Variants in DAB1 observed in about 807,000 individuals in gnomAD.
The protein encoded by DAB1 is disabled homolog 1.
Under a neutral mutation model 64.6 loss-of-function variants are expected in DAB1, and 15 were observed. The observed-to-expected ratio is 0.23, with a 90% CI of 0.16 to 0.36. The LOEUF is 0.36. Ranked by LOEUF, DAB1 falls within the 10% of genes least tolerant of loss-of-function variation. The probability of loss-of-function intolerance (pLI) is 1.00; values close to 1 mark genes in which losing one functional copy is unlikely to be tolerated. For synonymous variants in DAB1, 235 were observed against 251.9 expected (o/e 0.93, Z 0.64); for missense variants, 596 against 706.7 (o/e 0.84, Z 1.78).
At chr1:57,102,569 AT>A (rs1207652236) in intron 4 of DAB1, among the ~76,000 whole-genome samples, 2 of 152,222 alleles carry the variant, frequency 1.3e-5, no homozygotes, top group Non-Finnish European at 2.9e-5. Context: ...AAACAAAAAA[AT>A]CTATAATTAC....
At chr1:58,104,582 GAAACAAATTACCACTCTCAGCT>G (rs1033810364) in intron 5 of DAB1, among the ~76,000 whole-genome samples, 2 of 152,132 alleles carry the variant, frequency 1.3e-5, no homozygotes, top group African/African-American at 4.8e-5. Flanking sequence ...AGCCGGTTCA[GAAACAAATTACCACTCTCAGCT>G]AAACCCCCAT....
At chr1:57,384,369 C>G (rs1681624831) in intron 1 of DAB1, among the ~76,000 whole-genome samples, 1 of 152,172 alleles carries the variant, frequency 6.6e-6, no homozygotes, top group Non-Finnish European at 1.5e-5. Context: ...AAAAGGTAAA[C>G]ATAGAATTAC....
intron 4 of DAB1, among the ~76,000 whole-genome samples, chr1:58,300,002 T>C (rs1662084344): frequency 6.6e-6 from 1 of 152,112 alleles, no homozygotes; most frequent in Non-Finnish European, 1.5e-5. Context: ...TTCTACTTCA[T>C]TTATGGCTTA....
intron 7 of DAB1, among the ~76,000 whole-genome samples, chr1:57,524,221 A>G (rs1293743703): frequency 3.3e-5 from 5 of 152,184 alleles, no homozygotes; most frequent in Non-Finnish European, 4.4e-5. Flanking sequence ...CTGCAAAATT[A>G]TGTAGAAAAT....
intron 6 of DAB1, among the ~76,000 whole-genome samples, chr1:57,675,202 A>C (rs3126030): frequency 0.74 from 112,035 of 152,112 alleles, 42,169 homozygotes; most frequent in East Asian, 0.93. Flanking sequence ...CAATACCTAC[A>C]TCCAGAGATT....
chr1:57,403,270 T>C (rs1217530251), intron 1 of DAB1, among the ~76,000 whole-genome samples: 1 of 152,190 alleles, frequency 6.6e-6, no homozygotes, highest in African/African-American at 2.4e-5. Context: ...TATCTCCTGC[T>C]AGGGTTGCTG....
At chr1:57,920,097 T>G (rs1644786546) in intron 5 of DAB1, among the ~76,000 whole-genome samples, 1 of 152,210 alleles carries the variant, frequency 6.6e-6, no homozygotes, top group East Asian at 1.9e-4. Flanking sequence ...TTCATTTTAT[T>G]GATGTGGCTA....
At chr1:57,620,922 A>G (rs964036373) in intron 7 of DAB1, among the ~76,000 whole-genome samples, 37 of 152,088 alleles carry the variant, frequency 2.4e-4, no homozygotes, top group African/African-American at 8.2e-4. Context: ...TGACAAGACA[A>G]TTTGCAGACT....
intron 1 of DAB1, among the ~76,000 whole-genome samples, chr1:58,537,075 T>G (rs1381687673): frequency 6.6e-6 from 1 of 151,368 alleles, no homozygotes; most frequent in Non-Finnish European, 1.5e-5. Flanking sequence ...TCTCTCTCTC[T>G]CTCTCTCTCT....
chr1:57,777,514 G>GT (rs1649867379), intron 6 of DAB1, among the ~76,000 whole-genome samples: 1 of 151,738 alleles, frequency 6.6e-6, no homozygotes, highest in South Asian at 2.1e-4. Context: ...TTTTATTGCA[G>GT]TCTTCAAATT....
chr1:58,255,849 AT>A (rs1222586265), intron 4 of DAB1, among the ~76,000 whole-genome samples: 1 of 152,204 alleles, frequency 6.6e-6, no homozygotes, highest in Non-Finnish European at 1.5e-5. Flanking sequence ...CTTTCATTTA[AT>A]TTTCACAATA....
intron 7 of DAB1, among the ~76,000 whole-genome samples, chr1:57,446,317 G>A (rs1686133863): frequency 6.6e-6 from 1 of 152,070 alleles, no homozygotes; most frequent in Non-Finnish European, 1.5e-5. Context: ...TAAATTTTAG[G>A]CCAGGCGTGG....
intron 4 of DAB1, among the ~76,000 whole-genome samples, chr1:58,225,035 T>C (rs534339041): frequency 0.01 from 1,556 of 152,176 alleles, 26 homozygotes; most frequent in African/African-American, 0.036. Flanking sequence ...ACCTACAGAA[T>C]GGGAGAAAAT....
chr1:57,621,895 T>C (rs1645864039), intron 7 of DAB1, among the ~76,000 whole-genome samples: 1 of 152,216 alleles, frequency 6.6e-6, no homozygotes, highest in Admixed American at 6.5e-5. Flanking sequence ...CTTCTGCATA[T>C]TGCTCTTGAG....
At chr1:57,906,179 AC>A (rs904446089) in intron 5 of DAB1, among the ~76,000 whole-genome samples, 5 of 152,236 alleles carry the variant, frequency 3.3e-5, no homozygotes, top group Non-Finnish European at 5.9e-5. Context: ...GATAGCTGGA[AC>A]CCCAGCAGCC....
At chr1:58,222,218 T>G (rs1266001289) in intron 4 of DAB1, among the ~76,000 whole-genome samples, 1 of 152,156 alleles carries the variant, frequency 6.6e-6, no homozygotes, top group African/African-American at 2.4e-5. Flanking sequence ...CACTGCAGAT[T>G]CTGACATACC....
At chr1:58,117,981 T>C (rs1411252588) in intron 5 of DAB1, among the ~76,000 whole-genome samples, 1 of 151,984 alleles carries the variant, frequency 6.6e-6, no homozygotes, top group Non-Finnish European at 1.5e-5. Flanking sequence ...CATGGCTCAC[T>C]ATAGCCTCGA....
At chr1:57,171,764 T>C (rs146416015) in intron 2 of DAB1, among the ~76,000 whole-genome samples, 52 of 152,350 alleles carry the variant, frequency 3.4e-4, no homozygotes, top group Admixed American at 9.8e-4. Flanking sequence ...GCACAGTTTA[T>C]GTCCTGCAGC....
intron 6 of DAB1, among the ~76,000 whole-genome samples, chr1:57,693,142 C>T (rs1646783508): frequency 6.6e-6 from 1 of 152,122 alleles, no homozygotes; most frequent in Non-Finnish European, 1.5e-5. Flanking sequence ...ATCCACTGGC[C>T]CTTTCACTGG....
Sources: gnomAD v4.1 joint callset for allele counts (sites outside exome capture counted in the v4.1 genomes callset) on GRCh38, gnomAD v4.1.1 for gene constraint, MANE v1.5 for transcripts, NCBI Gene and HGNC (gene_info 2026-07-23, HGNC 2026-07-21) for gene names.